Variants in ZFHX3 observed in about 807,000 individuals in gnomAD.
ZFHX3 encodes the protein zinc finger homeobox 3, also known as zinc finger homeobox protein 3.
Under a neutral mutation model 279.1 loss-of-function variants are expected in ZFHX3, and 42 were observed. The observed-to-expected ratio is 0.15, with a 90% CI of 0.12 to 0.19. The LOEUF is 0.19. Ranked by LOEUF, ZFHX3 falls within the 10% of genes least tolerant of loss-of-function variation. The probability of loss-of-function intolerance (pLI) is 1.00; values close to 1 mark genes in which losing one functional copy is unlikely to be tolerated. For synonymous variants in ZFHX3, 2,293 were observed against 1,957.8 expected (o/e 1.17, Z -4.52); for missense variants, 4,981 against 4,754.0 (o/e 1.05, Z -1.40).
At chr16:73,644,077 C>T (rs1309473297) in intron 2 of ZFHX3, among the ~76,000 whole-genome samples, 1 of 152,108 alleles carries the variant, frequency 6.6e-6, no homozygotes, top group Non-Finnish European at 1.5e-5. Context: ...ACCCCATCCA[C>T]CCACCACAAA....
At chr16:73,595,846 C>A (rs1054897758) in intron 2 of ZFHX3, among the ~76,000 whole-genome samples, 1 of 152,148 alleles carries the variant, frequency 6.6e-6, no homozygotes, top group Non-Finnish European at 1.5e-5. Flanking sequence ...GCACCTTCCT[C>A]TCCCTCACCT....
chr16:73,218,158 G>A (rs942321812), intron 5 of ZFHX3, among the ~76,000 whole-genome samples: 4 of 152,098 alleles, frequency 2.6e-5, no homozygotes, highest in African/African-American at 7.2e-5. Flanking sequence ...TGGCCTTATC[G>A]ATATTTATTG....
upstream of ZFHX3, among the ~76,000 whole-genome samples, chr16:73,064,437 G>A (rs1965721645): frequency 6.6e-6 from 1 of 151,982 alleles, no homozygotes. Flanking sequence ...TCCAAACCGC[G>A]GAAATCAAAC....
chr16:73,186,526 A>AC (rs1182628484), intron 5 of ZFHX3, among the ~76,000 whole-genome samples: 2 of 151,630 alleles, frequency 1.3e-5, no homozygotes, highest in African/African-American at 4.9e-5. Context: ...TTGTGGATAT[A>AC]CCAGCCAATT....
intron 1 of ZFHX3, among the ~76,000 whole-genome samples, chr16:73,684,491 G>C (rs1201748737): frequency 6.6e-6 from 1 of 152,036 alleles, no homozygotes; most frequent in African/African-American, 2.4e-5. Context: ...TCAAAAAGAG[G>C]AATGTGCATA....
intron 1 of ZFHX3, among the ~76,000 whole-genome samples, chr16:73,726,872 A>G (rs1427979453): frequency 1.3e-5 from 2 of 152,172 alleles, no homozygotes; most frequent in South Asian, 4.1e-4. Flanking sequence ...TATGCAAACT[A>G]TATCTGCATC....
At chr16:73,787,642 A>C (rs1208173372) in intron 1 of ZFHX3, among the ~76,000 whole-genome samples, 1 of 152,194 alleles carries the variant, frequency 6.6e-6, no homozygotes, top group African/African-American at 2.4e-5. Context: ...ATGAAAGTTT[A>C]TTATGTGGTA....
intron 1 of ZFHX3, among the ~76,000 whole-genome samples, chr16:73,802,894 T>C (rs1960181558): frequency 1.3e-5 from 2 of 152,228 alleles, no homozygotes; most frequent in Admixed American, 6.5e-5. Context: ...CTCGACTCAC[T>C]GCAACCTCCA....
At chr16:73,053,288 C>T (rs1275117801) in intron 1 of ZFHX3, among the ~76,000 whole-genome samples, 2 of 152,160 alleles carry the variant, frequency 1.3e-5, no homozygotes, top group East Asian at 1.9e-4. Flanking sequence ...TTTATATCTA[C>T]GAAAAGGCAG....
At position 73,028,230 on chromosome 16, in the gene ZFHX3, C is replaced by T. The variant is rs865988254; in HGVS notation, c.-50+19522G>A. Among the ~76,000 whole-genome samples, 29 of 152,320 alleles carry T rather than the reference C, an allele frequency of 1.9e-4. 1 individual carries two copies. The Middle Eastern group carries it at 0.01, about 54-fold the overall frequency. ...ATGTTCATGTGGGAAAACATAAGCA[C>T]CTCCGAGTCAGACCTCCTATTTAGA... is the stretch of plus-strand genomic sequence containing the variant. On this transcript the variant is annotated intron_variant, in intron 1 of 9. Coordinates refer to ENST00000268489, the MANE Select transcript of ZFHX3 (RefSeq NM_006885.4).
intron 2 of ZFHX3, among the ~76,000 whole-genome samples, chr16:73,651,575 C>G (rs928459571): frequency 6.6e-6 from 1 of 150,752 alleles, no homozygotes; most frequent in Non-Finnish European, 1.5e-5. Flanking sequence ...CGGTGGCTCA[C>G]GCCTGTAATC....
intron 4 of ZFHX3, among the ~76,000 whole-genome samples, chr16:72,849,684 A>G (rs2037563420): frequency 6.6e-6 from 1 of 152,038 alleles, no homozygotes; most frequent in Admixed American, 6.6e-5. Context: ...GGCGGATGTA[A>G]CAAGCGTTCT....
At chr16:73,358,330 G>A (rs542757145) in intron 3 of ZFHX3, among the ~76,000 whole-genome samples, 5 of 152,340 alleles carry the variant, frequency 3.3e-5, no homozygotes, top group South Asian at 4.1e-4. Context: ...AAAGGACAGC[G>A]GCCTCCATGC....
chr16:73,325,890 T>TACACACACACAAACACACACACAC (rs1567451165), intron 3 of ZFHX3, among the ~76,000 whole-genome samples: 11 of 104,422 alleles, frequency 1.1e-4, no homozygotes, highest in African/African-American at 3.1e-4. Context: ...GGTCTAATAA[T>TACACACACACAAACACACACACAC]ACACACACAC....
chr16:73,436,906 C>A (rs116636018), intron 3 of ZFHX3, among the ~76,000 whole-genome samples: 1 of 152,130 alleles, frequency 6.6e-6, no homozygotes, highest in African/African-American at 2.4e-5. Flanking sequence ...ACAGACTCCC[C>A]TGAGTTCTAA....
chr16:73,709,683 C>T (rs1044419196), intron 1 of ZFHX3, among the ~76,000 whole-genome samples: 12 of 152,122 alleles, frequency 7.9e-5, no homozygotes, highest in Non-Finnish European at 1.5e-4. Flanking sequence ...GGAAGAATAA[C>T]TTCAAGAGAT....
intron 3 of ZFHX3, among the ~76,000 whole-genome samples, chr16:72,891,297 G>A (rs73590762): frequency 1.3e-5 from 2 of 152,102 alleles, no homozygotes; most frequent in East Asian, 3.9e-4. Context: ...CAGCCTAAGA[G>A]CCTCCAGGAG....
intron 1 of ZFHX3, among the ~76,000 whole-genome samples, chr16:73,748,960 G>A (rs1335473751): frequency 6.6e-6 from 1 of 151,928 alleles, no homozygotes; most frequent in Non-Finnish European, 1.5e-5. Context: ...ACTAATTTTT[G>A]TACATTTAGT....
chr16:73,482,456 C>T (rs1597352842), intron 2 of ZFHX3, among the ~76,000 whole-genome samples: 1 of 152,288 alleles, frequency 6.6e-6, no homozygotes. Context: ...CACCGCCTCA[C>T]CCACTCCCTG....
Sources: gnomAD v4.1 joint callset for allele counts (sites outside exome capture counted in the v4.1 genomes callset) on GRCh38, gnomAD v4.1.1 for gene constraint, MANE v1.5 for transcripts, NCBI Gene and HGNC (gene_info 2026-07-23, HGNC 2026-07-21) for gene names.